The following CMSS1 variants were observed in gnomAD, a reference collection of about 807,000 sequenced individuals.
CMSS1 encodes protein CMSS1.
Under a neutral mutation model 43.5 loss-of-function variants are expected in CMSS1, and 33 were observed. That is an observed-to-expected ratio of 0.76 (90% CI 0.57 to 1.01). The LOEUF (loss-of-function observed/expected upper bound fraction) is 1.01. Ranked by LOEUF, CMSS1 falls within the 50% of genes least tolerant of loss-of-function variation. The probability of loss-of-function intolerance (pLI) is 0.00; values close to 1 mark genes in which losing one functional copy is unlikely to be tolerated. For synonymous variants in CMSS1, 115 were observed against 117.2 expected (o/e 0.98, Z 0.12); for missense variants, 313 against 326.4 (o/e 0.96, Z 0.32).
chr3:99,970,877 A>G (rs1380481142), intron 1 of CMSS1, among the ~76,000 whole-genome samples: 2 of 152,224 alleles, frequency 1.3e-5, no homozygotes, highest in Non-Finnish European at 2.9e-5. Flanking sequence ...GTGTGGATGC[A>G]ATTAAAGGGA....
intron 1 of CMSS1, among the ~76,000 whole-genome samples, chr3:99,894,310 G>A (rs968718208): frequency 6.6e-6 from 1 of 152,228 alleles, no homozygotes; most frequent in Non-Finnish European, 1.5e-5. Context: ...GAGTTCAGGT[G>A]AAGATCTGCC....
intron 1 of CMSS1, chr3:99,850,861 G>GT: frequency 6.2e-7 from 1 of 1,614,128 alleles, no homozygotes; most frequent in Non-Finnish European, 8.5e-7. Context: ...GGCTAGTTTG[G>GT]TATGTGTTTC....
intron 1 of CMSS1, among the ~76,000 whole-genome samples, chr3:99,818,446 G>A (rs1559644370): frequency 6.6e-6 from 1 of 152,174 alleles, no homozygotes; most frequent in Non-Finnish European, 1.5e-5. Context: ...CCAGTATTCT[G>A]ATACTGTTTA....
chr3:99,865,295 G>A (rs571985258), intron 1 of CMSS1, among the ~76,000 whole-genome samples: 1 of 152,280 alleles, frequency 6.6e-6, no homozygotes, highest in South Asian at 2.1e-4. Context: ...GAATGCCAGT[G>A]TAGTTTTTAC....
chr3:100,067,210 A>G (rs1413844298), intron 1 of CMSS1, among the ~76,000 whole-genome samples: 1 of 151,894 alleles, frequency 6.6e-6, no homozygotes, highest in Non-Finnish European at 1.5e-5. Context: ...AAATAGGGAA[A>G]TTTTAGCATC....
At chr3:100,097,704 A>G (rs1205008608) in intron 1 of CMSS1, among the ~76,000 whole-genome samples, 1 of 152,204 alleles carries the variant, frequency 6.6e-6, no homozygotes, top group Non-Finnish European at 1.5e-5. Flanking sequence ...AGCACCATTA[A>G]TAGACTCTAA....
chr3:99,819,475 G>A (rs1942388357), intron 1 of CMSS1, among the ~76,000 whole-genome samples: 1 of 152,174 alleles, frequency 6.6e-6, no homozygotes, highest in Admixed American at 6.5e-5. Context: ...TGTGACAAAT[G>A]TCTTCATAAA....
chr3:100,137,283 G>A (rs985682716), intron 1 of CMSS1, among the ~76,000 whole-genome samples: 1 of 152,138 alleles, frequency 6.6e-6, no homozygotes, highest in Non-Finnish European at 1.5e-5. Flanking sequence ...AACAGCTGAT[G>A]ACCTCTAGAA....
At chr3:99,915,045 A>G (rs746251665) in intron 1 of CMSS1, among the ~76,000 whole-genome samples, 22 of 152,132 alleles carry the variant, frequency 1.4e-4, no homozygotes, top group African/African-American at 5.3e-4. Flanking sequence ...CCCTTTTAGG[A>G]TCATTTTTTT....
intron 1 of CMSS1, among the ~76,000 whole-genome samples, chr3:100,033,332 A>G (rs1408743043): frequency 1.3e-5 from 2 of 152,080 alleles, no homozygotes; most frequent in Non-Finnish European, 2.9e-5. Context: ...CCTCACCTCT[A>G]TCGAGTGGCA....
intron 6 of CMSS1, among the ~76,000 whole-genome samples, chr3:100,169,244 T>C (rs1429700925): frequency 6.6e-6 from 1 of 152,242 alleles, no homozygotes; most frequent in African/African-American, 2.4e-5. Context: ...AGTGCTTTAC[T>C]AAGGGCTTGC....
intron 1 of CMSS1, chr3:100,115,103 A>G: frequency 1.3e-6 from 1 of 752,172 alleles, no homozygotes; most frequent in Non-Finnish European, 2.3e-6. Flanking sequence ...ATTTTCTTTA[A>G]GTAGGATCAC....
At chr3:99,899,584 C>G (rs1234467832) in intron 1 of CMSS1, among the ~76,000 whole-genome samples, 1 of 152,026 alleles carries the variant, frequency 6.6e-6, no homozygotes, top group African/African-American at 2.4e-5. Context: ...TTTCCTAACC[C>G]CTATTGCATT....
chr3:100,177,982 C>T (rs1273609517), intron 9 of CMSS1, among the ~76,000 whole-genome samples: 1 of 152,090 alleles, frequency 6.6e-6, no homozygotes, highest in African/African-American at 2.4e-5. Context: ...AGCCAGGTAT[C>T]ATGGCACACA....
At chr3:100,010,918 C>T (rs746702155) in intron 1 of CMSS1, among the ~76,000 whole-genome samples, 28 of 151,630 alleles carry the variant, frequency 1.8e-4, no homozygotes, top group Admixed American at 1.1e-3. Flanking sequence ...TGAGCCACCG[C>T]GCCCAGCTGA....
At chr3:100,107,808 T>G (rs2066419282) in intron 1 of CMSS1, among the ~76,000 whole-genome samples, 1 of 151,370 alleles carries the variant, frequency 6.6e-6, no homozygotes, top group Non-Finnish European at 1.5e-5. Flanking sequence ...GGCCATAAAC[T>G]AACACTTTTT....
chr3:100,160,363 G>A (rs560112602), intron 2 of CMSS1, 67 bp from the exon 3 acceptor site: 179 of 780,694 alleles, frequency 2.3e-4, no homozygotes, highest in Non-Finnish European at 3.3e-4. Context: ...GTACTTTGGG[G>A]TTCATGCCAC....
At chr3:99,955,808 T>C (rs1284645802) in intron 1 of CMSS1, among the ~76,000 whole-genome samples, 1 of 152,216 alleles carries the variant, frequency 6.6e-6, no homozygotes. Context: ...GAATTTCGAA[T>C]GGCCTGTTCT....
At chr3:100,044,354 TA>T (rs1450523281) in intron 1 of CMSS1, among the ~76,000 whole-genome samples, 1 of 151,726 alleles carries the variant, frequency 6.6e-6, no homozygotes, top group Non-Finnish European at 1.5e-5. Flanking sequence ...TACATCATAG[TA>T]TAAAGAAGTA....
Sources: allele counts gnomAD v4.1 joint callset (sites outside exome capture counted in the v4.1 genomes callset), GRCh38; gene constraint gnomAD v4.1.1; transcripts MANE v1.5; gene names NCBI Gene and HGNC (gene_info 2026-07-23, HGNC 2026-07-21).